The following ALMS1 variants were observed in gnomAD, a reference collection of about 807,000 sequenced individuals.
ALMS1 encodes the protein centrosome-associated protein ALMS1.
Under a neutral mutation model 352.2 loss-of-function variants are expected in ALMS1, and 271 were observed. The ratio of observed to expected loss-of-function variants is 0.77; its 90% CI spans 0.70 to 0.85. The LOEUF (loss-of-function observed/expected upper bound fraction) is 0.85, where lower values mean the gene tolerates loss of function less well. ALMS1 is among the 40% of genes least tolerant of loss of function. The probability of loss-of-function intolerance (pLI) is 0.00; values close to 1 mark genes in which losing one functional copy is unlikely to be tolerated. For missense variants in ALMS1, 5,445 were observed against 4,870.7 expected (o/e 1.12, Z -3.51); for synonymous variants, 1,865 against 1,761.2 (o/e 1.06, Z -1.48).
At chr2:73,530,045 A>G (rs1264912187) in intron 11 of ALMS1, among the ~76,000 whole-genome samples, 1 of 152,196 alleles carries the variant, frequency 6.6e-6, no homozygotes, top group Non-Finnish European at 1.5e-5. Context: ...CTAGGGACAC[A>G]GAGCCAAACC....
chr2:73,472,901 C>T (rs1275767339), intron 9 of ALMS1, among the ~76,000 whole-genome samples: 1 of 151,876 alleles, frequency 6.6e-6, no homozygotes, highest in Non-Finnish European at 1.5e-5. Flanking sequence ...CATCACGTGT[C>T]AAAAGTATTT....
chr2:73,570,447 G>A (rs1287512148), intron 15 of ALMS1, among the ~76,000 whole-genome samples: 6 of 152,294 alleles, frequency 3.9e-5, no homozygotes, highest in South Asian at 4.1e-4. Flanking sequence ...AGCACTTTTA[G>A]TCCAGAAGTA....
At position 73,432,712 on chromosome 2, in the gene ALMS1, A is replaced by G. The variant is rs573030016; in HGVS notation, c.1432+421A>G. Among the ~76,000 whole-genome samples the G allele has an allele frequency of 4.6e-5, 7 of 152,164 alleles. No individual in the cohort carries two copies. In the South Asian group the frequency reaches 1.2e-3, roughly 27 times the overall value. ...GATCTAATTGCTTTCCAAAAGCCTTACCTCCTTAATTTCATCACCTTGGGG... is the reference window on the plus strand; with the variant it reads ...GATCTAATTGCTTTCCAAAAGCCTTGCCTCCTTAATTTCATCACCTTGGGG... On this transcript the variant is annotated intron_variant, in intron 7 of 22. Coordinates refer to ENST00000613296, the MANE Select transcript of ALMS1 (RefSeq NM_001378454.1).
At position 73,426,520 on chromosome 2, in the gene ALMS1, A is replaced by G; in HGVS notation, c.1305A>G (p.Val435=). Residue 435 remains valine, a synonymous_variant, in exon 6 of 23, where the codon GTA becomes GTG. Coordinates refer to ENST00000613296, the MANE Select transcript of ALMS1 (RefSeq NM_001378454.1). ...ATGGCCTAAATGAAAATGCTGTTGT[A>G]TGCAGTGAAAGAGTTGCTGAACTAC... ...TLDGLNENAV[V]CSERVAELQR... 6.2e-7 allele frequency: 1 copy of G among 1,614,168 alleles called. No homozygotes were observed. Among genetic ancestry groups the G allele is most frequent in the Middle Eastern group, 1.7e-4 (1 of 6,060 alleles).
intron 7 of ALMS1, 92 bp from the exon 8 acceptor site, chr2:73,447,868 C>T: frequency 7.1e-7 from 1 of 1,399,172 alleles, no homozygotes. Context: ...TTTCTAGAAG[C>T]TTTTTAAAGG....
intron 9 of ALMS1, among the ~76,000 whole-genome samples, chr2:73,487,099 T>TC (rs1316503143): frequency 2.6e-5 from 4 of 152,106 alleles, no homozygotes; most frequent in Non-Finnish European, 5.9e-5. Flanking sequence ...CCTCAGGGTG[T>TC]CAGTTTGCAA....
rs779187578 is a variant in ALMS1 at position 73,490,003 on chromosome 2, G to C, written c.8044G>C (p.Glu2682Gln). 6.2e-7 allele frequency: 1 copy of C among 1,614,238 alleles called. No homozygotes were observed. The highest frequency in any genetic ancestry group is 8.5e-7 in the Non-Finnish European group (1 of 1,180,052). ...TGAAAAGATGGACCCTTGGCTGTCA[G>C]AATTAGTAGAACCTGCTTTTGTGCC... ...FDEKMDPWLS[E>Q]LVEPAFVPPK... Residue 2682 changes from glutamate (E) to glutamine (Q), a missense_variant, in exon 10 of 23, where the codon GAA becomes CAA. By Grantham distance (29) the Glu-to-Gln change is conservative (BLOSUM62 2). Coordinates refer to ENST00000613296, the MANE Select transcript of ALMS1 (RefSeq NM_001378454.1).
rs1478900279 is a variant in ALMS1, at chr2:73,576,682, G to A, written c.11547+3258G>A. Among the ~76,000 whole-genome samples the A allele has an allele frequency of 2.0e-5, 3 of 150,336 alleles. No homozygotes were observed. In the South Asian group the frequency reaches 6.3e-4, roughly 32 times the overall value. On this transcript the variant is annotated intron_variant, in intron 16 of 22. Transcript: ENST00000613296. Reference sequence around the variant, plus strand: ...GTTGCCCAGGCTGGAGTGCAATGACGTGATCTCAGCTCACTGCAACCTCTG... The same window carrying A: ...GTTGCCCAGGCTGGAGTGCAATGACATGATCTCAGCTCACTGCAACCTCTG...
rs1163258474 is a variant in ALMS1 at position 73,395,078 on chromosome 2, ATTTTT to A, written c.324+8903_324+8907del. Among the ~76,000 whole-genome samples, 190 of 101,304 alleles carry A rather than the reference ATTTTT, an allele frequency of 1.9e-3. 1 individual carries two copies. The highest frequency in any genetic ancestry group is 7.9e-3 in the African/African-American group (166 of 21,112). 66.5% of individuals were successfully genotyped at this position (101,304 alleles called of 152,430 possible). A position where few individuals can be genotyped will look rare whatever the true frequency, so the allele number is the denominator to read the frequency against. On this transcript the variant is annotated intron_variant, in intron 1 of 22. Transcript: ENST00000613296. ...TATATGTGTATATATATATATATATATTTTTTTTTTTTTTTTTTTTTGAGACAGAG... is the reference window on the plus strand; with the variant it reads ...TATATGTGTATATATATATATATATATTTTTTTTTTTTTTTTGAGACAGAG...
intron 1 of ALMS1, among the ~76,000 whole-genome samples, chr2:73,403,553 C>A (rs1234797308): frequency 6.6e-6 from 1 of 150,714 alleles, no homozygotes; most frequent in Non-Finnish European, 1.5e-5. Flanking sequence ...ATTTTTTTTT[C>A]TATTTTTGTG....
rs116033693 is a variant in ALMS1 at position 73,448,426 on chromosome 2, A to G, written c.1899A>G (p.Gln633=). ...SHREKPGTFY[Q]QELPESNLTE... is the part of the protein sequence containing the mutation. The stretch of plus-strand genomic sequence containing the variant: ...GAGAGAAGCCTGGTACTTTTTACCA[A>G]CAAGAGTTACCAGAGAGTAACTTAA... Residue 633 remains glutamine, a synonymous_variant, in exon 8 of 23, where the codon CAA becomes CAG. Coordinates refer to ENST00000613296, the MANE Select transcript of ALMS1 (RefSeq NM_001378454.1). 2.2e-3 allele frequency: 3,628 copies of G among 1,614,008 alleles called. 81 individuals carry two copies. In the African/African-American group the frequency reaches 0.043, roughly 19 times the overall value.
chr2:73,471,713 G>A (rs886685236), intron 9 of ALMS1, among the ~76,000 whole-genome samples: 1 of 151,714 alleles, frequency 6.6e-6, no homozygotes, highest in African/African-American at 2.4e-5. Flanking sequence ...AAAACAAATG[G>A]TAACAAGTGT....
At chr2:73,557,888 T>C (rs888714629) in intron 14 of ALMS1, among the ~76,000 whole-genome samples, 2 of 152,238 alleles carry the variant, frequency 1.3e-5, no homozygotes, top group Admixed American at 6.5e-5. Flanking sequence ...TTCTCTTTTT[T>C]GTAAAACTCC....
intron 10 of ALMS1, among the ~76,000 whole-genome samples, chr2:73,500,857 C>G (rs1332105351): frequency 1.3e-5 from 2 of 152,110 alleles, no homozygotes; most frequent in African/African-American, 4.8e-5. Context: ...AATAGCTGCT[C>G]CATGTAGTCT....
intron 7 of ALMS1, among the ~76,000 whole-genome samples, chr2:73,437,443 C>T (rs1671625468): frequency 6.6e-6 from 1 of 152,158 alleles, no homozygotes; most frequent in Non-Finnish European, 1.5e-5. Context: ...ATCTTCCACT[C>T]TATAAGTGGG....
At chr2:73,595,137 A>C (rs1675519172) in intron 16 of ALMS1, among the ~76,000 whole-genome samples, 1 of 152,182 alleles carries the variant, frequency 6.6e-6, no homozygotes, top group Non-Finnish European at 1.5e-5. Flanking sequence ...TTTGATCAAG[A>C]GTGTCCTTCC....
chr2:73,526,756 T>C (rs1040210945), intron 11 of ALMS1, among the ~76,000 whole-genome samples: 8 of 152,154 alleles, frequency 5.3e-5, no homozygotes, highest in Non-Finnish European at 1.2e-4. Context: ...CTGGATCTCC[T>C]TTCTATCTTT....
At chr2:73,436,412 A>G (rs552028193) in intron 7 of ALMS1, among the ~76,000 whole-genome samples, 2 of 152,222 alleles carry the variant, frequency 1.3e-5, no homozygotes, top group Admixed American at 1.3e-4. Context: ...TGTATAGTTA[A>G]TATCTTTTGT....
chr2:73,549,455 G>C (rs11126402), intron 12 of ALMS1, among the ~76,000 whole-genome samples: 71,531 of 151,856 alleles, frequency 0.47, 18,705 homozygotes, highest in African/African-American at 0.72. Flanking sequence ...CCATGCACTG[G>C]TGAATTTTGT....
Sources: gnomAD v4.1 joint callset for allele counts (sites outside exome capture counted in the v4.1 genomes callset) on GRCh38, gnomAD v4.1.1 for gene constraint, MANE v1.5 for transcripts, NCBI Gene and HGNC (gene_info 2026-07-23, HGNC 2026-07-21) for gene names.